Variants in INSYN1 observed in about 807,000 individuals in gnomAD.
The protein encoded by INSYN1 is UPF0583 protein C15orf59.
INSYN1 carries 7 observed loss-of-function variants against 17.1 expected under a neutral mutation model. The observed-to-expected ratio is 0.41, with a 90% CI of 0.23 to 0.77. INSYN1 has a LOEUF of 0.77. Ranked by LOEUF, INSYN1 falls within the 30% of genes least tolerant of loss-of-function variation. The probability of loss-of-function intolerance (pLI) is 0.32; values close to 1 mark genes in which losing one functional copy is unlikely to be tolerated. For missense variants in INSYN1, 339 were observed against 400.6 expected, an observed-to-expected ratio of 0.85 and a Z score of 1.31; for synonymous variants, 174 against 166.3, an observed-to-expected ratio of 1.05 and a Z score of -0.36.
chr15:73,744,237 AG>A (rs1309700107), intron 2 of INSYN1, among the ~76,000 whole-genome samples: 1 of 152,234 alleles, frequency 6.6e-6, no homozygotes, highest in Non-Finnish European at 1.5e-5. Flanking sequence ...ATGTGGGTCC[AG>A]TGACTGTGGC....
In INSYN1 at chr15:73,751,591, G is replaced by C. The variant is rs1697654471; in HGVS notation, c.-461C>G. ...GTTGCAAAGGCAGAGGTCTCTGGAT[G>C]CAACTGACACCTGCAGAGGGATGGT... is the stretch of plus-strand genomic sequence containing the variant. On this transcript the variant is annotated 5_prime_UTR_variant, in exon 2 of 3. Coordinates refer to ENST00000569673, the MANE Select transcript of INSYN1 (RefSeq NM_001039614.3). The C allele has an allele frequency of 5.5e-6, 1 of 181,766 alleles. No homozygotes were observed. Among genetic ancestry groups the C allele is most frequent in the African/African-American group, 2.3e-5 (1 of 43,228 alleles). The allele number at this position is 181,766 out of a possible 1,614,324, so 11.3% of individuals were successfully genotyped here. A position where few individuals can be genotyped will look rare whatever the true frequency, so the allele number is the denominator to read the frequency against.
chr15:73,740,729 T>A, intron 2 of INSYN1, 87 bp from the exon 3 acceptor site: 1 of 1,064,610 alleles, frequency 9.4e-7, no homozygotes, highest in African/African-American at 1.6e-5. Context: ...CCCATCCCTG[T>A]AGACCCCTGG....
chr15:73,750,771 G>C (rs925159581), intron 2 of INSYN1, among the ~76,000 whole-genome samples: 1 of 152,142 alleles, frequency 6.6e-6, no homozygotes, highest in Non-Finnish European at 1.5e-5. Context: ...CTACAACACC[G>C]AGGCCCCTCC....
intron 2 of INSYN1, among the ~76,000 whole-genome samples, chr15:73,743,556 A>C (rs1207112161): frequency 8.5e-5 from 13 of 152,114 alleles, no homozygotes; most frequent in Admixed American, 8.5e-4. Flanking sequence ...GTGGTGGCTC[A>C]TGCCTGTAAT....
chr15:73,749,505 T>C (rs1028387457), intron 2 of INSYN1, among the ~76,000 whole-genome samples: 3 of 152,214 alleles, frequency 2.0e-5, no homozygotes, highest in African/African-American at 4.8e-5. Context: ...TGTGGGTACC[T>C]GCCGGGGCAT....
chr15:73,750,674 G>A (rs1027155553), intron 2 of INSYN1, among the ~76,000 whole-genome samples: 5 of 152,274 alleles, frequency 3.3e-5, no homozygotes, highest in African/African-American at 1.2e-4. Flanking sequence ...AGAAGCTGTG[G>A]CGGGATTCAG....
rs1407453564 is a variant in INSYN1 at position 73,737,372 on chromosome 15, C to A, written c.*2545G>T. 4 of 152,328 alleles carry A rather than the reference C, an allele frequency of 2.6e-5. No individual in the cohort carries two copies. Among genetic ancestry groups the A allele is most frequent in the African/African-American group, 9.6e-5 (4 of 41,472 alleles). The allele number at this position is 152,328 out of a possible 1,614,324, so 9.4% of individuals were successfully genotyped here. A position where few individuals can be genotyped will look rare whatever the true frequency, so the allele number is the denominator to read the frequency against. The stretch of plus-strand genomic sequence containing the variant: ...CCCATTCCTGGTCGGGGACTGCCCC[C>A]TTCTCACTCTCAGGGTGGGGCGGAA... On this transcript the variant is annotated 3_prime_UTR_variant, in exon 3 of 3. Coordinates refer to ENST00000569673, the MANE Select transcript of INSYN1 (RefSeq NM_001039614.3).
intron 2 of INSYN1, among the ~76,000 whole-genome samples, chr15:73,747,021 G>A (rs1001283811): frequency 2.6e-5 from 4 of 152,074 alleles, no homozygotes; most frequent in African/African-American, 4.8e-5. Flanking sequence ...TGCATGGCTC[G>A]ACGGAATCTG....
Position 73,740,524 on chromosome 15 carries a change from G to A in INSYN1, c.275C>T (p.Pro92Leu). Residue 92 changes from proline to leucine, a missense_variant, in exon 3 of 3, where the codon CCC (proline) becomes CTC (leucine). Coordinates refer to ENST00000569673, the MANE Select transcript of INSYN1 (RefSeq NM_001039614.3). ...SSSDKAGMGG[P>L]FDLGHLDFMT... ...GAAGTCCAGGTGGCCCAGGTCAAAGGGGCCACCCATGCCCGCCTTGTCACT... is the reference window on the plus strand; with the variant it reads ...GAAGTCCAGGTGGCCCAGGTCAAAGAGGCCACCCATGCCCGCCTTGTCACT... 6.2e-7 allele frequency: 1 copy of A among 1,614,106 alleles called. No individual in the cohort carries two copies. The highest frequency in any genetic ancestry group is 1.1e-5 in the South Asian group (1 of 91,082).
rs1567034841 is a variant in INSYN1, at chr15:73,739,869, T to TATATA, written c.*47_*48insTATAT. 2.8e-5 allele frequency: 10 copies of TATATA among 354,338 alleles called. No homozygotes were observed. Among genetic ancestry groups the TATATA allele is most frequent in the African/African-American group, 1.3e-4 (5 of 39,972 alleles). The allele number at this position is 354,338 out of a possible 1,614,324, so 21.9% of individuals were successfully genotyped here. A position where few individuals can be genotyped will look rare whatever the true frequency, so the allele number is the denominator to read the frequency against. On this transcript the variant is annotated 3_prime_UTR_variant, in exon 3 of 3. Coordinates refer to ENST00000569673, the MANE Select transcript of INSYN1 (RefSeq NM_001039614.3). ...TATATATATATATATATATATATAT[T>TATATA]TATTTATAGCTCTATGTGCCCACCG...
In INSYN1 at chr15:73,736,033, T is replaced by C. The variant is rs1901519043; in HGVS notation, c.*3884A>G. 6.6e-6 allele frequency: 1 copy of C among 152,230 alleles called. No homozygotes were observed. The highest frequency in any genetic ancestry group is 1.5e-5 in the Non-Finnish European group (1 of 68,076). The allele number at this position is 152,230 out of a possible 1,614,324, so 9.4% of individuals were successfully genotyped here. A position where few individuals can be genotyped will look rare whatever the true frequency, so the allele number is the denominator to read the frequency against. On this transcript the variant is annotated 3_prime_UTR_variant, in exon 3 of 3. Transcript: ENST00000569673. The stretch of plus-strand genomic sequence containing the variant: ...GCCTGTGCACACAGTAGGTGGTCAG[T>C]GGAATAGGACTTCCCGGAAGCAGAG...
chr15:73,751,387 G>A lies in INSYN1; in HGVS notation c.-257C>T, dbSNP rs563634697. On this transcript the variant is annotated 5_prime_UTR_variant, in exon 2 of 3. Transcript: ENST00000569673. ...CAAGGTGAGGACACAGGAGAGGAGG[G>A]GGAGGGACCTTGGGTCCCAGGAGTG... 81 of 507,852 alleles carry A rather than the reference G, an allele frequency of 1.6e-4. No homozygotes were observed. The highest frequency in any genetic ancestry group is 2.8e-4 in the Non-Finnish European group (78 of 279,498). 31.5% of individuals were successfully genotyped at this position (507,852 alleles called of 1,614,324 possible). A position where few individuals can be genotyped will look rare whatever the true frequency, so the allele number is the denominator to read the frequency against.
At chr15:73,743,293 G>A (rs773245719) in intron 2 of INSYN1, among the ~76,000 whole-genome samples, 1 of 152,174 alleles carries the variant, frequency 6.6e-6, no homozygotes, top group African/African-American at 2.4e-5. Flanking sequence ...CCTTCAGGCT[G>A]GAACACTCCC....
chr15:73,751,207 C>T lies in INSYN1; in HGVS notation c.-77G>A, dbSNP rs572443950. ...ACTGCGTCTGCCTCCACGGAGCCCC[C>T]CTCGGCTGGGCAGAGCTCCACATTT... On this transcript the variant is annotated 5_prime_UTR_variant, in exon 2 of 3. Transcript: ENST00000569673. The T allele has an allele frequency of 1.6e-5, 25 of 1,547,842 alleles. No individual in the cohort carries two copies. The highest frequency in any genetic ancestry group is 2.0e-5 in the Non-Finnish European group (23 of 1,141,602).
Position 73,740,020 on chromosome 15 carries a change from C to T in INSYN1, c.779G>A (p.Arg260Gln), listed in dbSNP as rs773073866. The T allele has an allele frequency of 1.4e-5, 22 of 1,612,746 alleles. No individual in the cohort carries two copies. The South Asian group carries it at 1.5e-4, about 11-fold the overall frequency. ...SGSTLAPEQT[R>Q]RVTRNSSTQT... ...GGTGCTGCTGTTCCTCGTGACCCTT[C>T]GAGTCTGTTCAGGGGCCAAGGTAGA... The change falls in exon 3 of 3, where the codon CGA becomes CAA. Residue 260 changes from arginine (R) to glutamine (Q), a missense_variant. Transcript: ENST00000569673.
Position 73,740,557 on chromosome 15 carries a change from G to T in INSYN1, c.242C>A (p.Thr81Asn), listed in dbSNP as rs764085123. Residue 81 changes from threonine to asparagine, a missense_variant, in exon 3 of 3, where the codon ACC becomes AAC. Physicochemically the swap from Thr to Asn is moderately conservative, Grantham distance 65. Transcript: ENST00000569673. ...CATGCCCGCCTTGTCACTGCTAGAGGTGCTGCTCACAGTGGCCGTGGTCCA... is the reference window on the plus strand; with the variant it reads ...CATGCCCGCCTTGTCACTGCTAGAGTTGCTGCTCACAGTGGCCGTGGTCCA... Reference protein sequence around the residue: ...DDWTTATVSSTSSSDKAGMGG... With the variant: ...DDWTTATVSSNSSSDKAGMGG... 3.7e-6 allele frequency: 6 copies of T among 1,614,068 alleles called. No individual in the cohort carries two copies. Among genetic ancestry groups the T allele is most frequent in the Non-Finnish European group, 4.2e-6 (5 of 1,180,040 alleles).
intron 2 of INSYN1, among the ~76,000 whole-genome samples, chr15:73,749,893 C>T (rs773426940): frequency 5.3e-5 from 8 of 152,206 alleles, no homozygotes; most frequent in Admixed American, 1.3e-4. Flanking sequence ...ACCCCTCCTC[C>T]TTGGCTCTCA....
At chr15:73,743,685 C>T (rs1901744407) in intron 2 of INSYN1, among the ~76,000 whole-genome samples, 1 of 151,370 alleles carries the variant, frequency 6.6e-6, no homozygotes, top group East Asian at 1.9e-4. Context: ...AAAAAATTAG[C>T]TGGGCGTGGT....
chr15:73,744,848 G>A (rs1249638147), intron 2 of INSYN1, among the ~76,000 whole-genome samples: 1 of 152,174 alleles, frequency 6.6e-6, no homozygotes. Context: ...GTCTCAATGT[G>A]TTTGCCGAGG....
Sources: allele counts gnomAD v4.1 joint callset (sites outside exome capture counted in the v4.1 genomes callset), GRCh38; gene constraint gnomAD v4.1.1; transcripts MANE v1.5; gene names NCBI Gene and HGNC (gene_info 2026-07-23, HGNC 2026-07-21).